The following RAPGEF5 variants were observed in gnomAD, a reference collection of about 807,000 sequenced individuals.
The protein encoded by RAPGEF5 is Rap guanine nucleotide exchange factor 5.
A neutral mutation model predicts 125.2 loss-of-function variants in RAPGEF5; 65 were observed. The ratio of observed to expected loss-of-function variants is 0.52; its 90% confidence interval spans 0.43 to 0.64. RAPGEF5 has a LOEUF of 0.64. Among genes scored for constraint, RAPGEF5 ranks in the 30% least tolerant of loss-of-function variants. The pLI is 0.00. For synonymous variants in RAPGEF5, 391 were observed against 385.9 expected (o/e 1.01, Z -0.16); for missense variants, 958 against 1,048.1 (o/e 0.91, Z 1.19).
chr7:22,268,386 A>C (rs1417152014), intron 6 of RAPGEF5, among the ~76,000 whole-genome samples: 5 of 152,242 alleles, frequency 3.3e-5, no homozygotes, highest in Non-Finnish European at 7.3e-5. Context: ...AGAAGTGATG[A>C]ATGACCACAA....
At chr7:22,231,043 G>A (rs1182366248) in intron 7 of RAPGEF5, 124 bp from the exon 8 acceptor site, 1 of 912,320 alleles carries the variant, frequency 1.1e-6, no homozygotes, top group Non-Finnish European at 1.7e-6. Flanking sequence ...GTAAACATTG[G>A]CATTATTTTT....
At chr7:22,284,353 C>T (rs1015832317) in intron 6 of RAPGEF5, among the ~76,000 whole-genome samples, 7 of 152,128 alleles carry the variant, frequency 4.6e-5, no homozygotes, top group Admixed American at 2.0e-4. Context: ...TGGATGAGGA[C>T]AGATTGAAAC....
chr7:22,163,066 A>G (rs926547085), intron 12 of RAPGEF5: 1 of 448,510 alleles, frequency 2.2e-6, no homozygotes, highest in Non-Finnish European at 4.5e-6. Context: ...AACTTACTTG[A>G]AAACATTGGA....
intron 17 of RAPGEF5, among the ~76,000 whole-genome samples, chr7:22,154,105 CTT>C (rs35254223): frequency 3.3e-5 from 5 of 149,326 alleles, no homozygotes; most frequent in African/African-American, 1.2e-4. Flanking sequence ...GCCATCTTTC[CTT>C]TTTTTTTTCC....
At chr7:22,187,401 T>TTAA (rs1784856972) in intron 11 of RAPGEF5, among the ~76,000 whole-genome samples, 2 of 152,340 alleles carry the variant, frequency 1.3e-5, no homozygotes, top group Admixed American at 1.3e-4. Context: ...AATCTCATTT[T>TTAA]AGTAACCTTT....
chr7:22,268,728 A>C (rs1212910267), intron 6 of RAPGEF5, among the ~76,000 whole-genome samples: 1 of 152,198 alleles, frequency 6.6e-6, no homozygotes, highest in Non-Finnish European at 1.5e-5. Flanking sequence ...CTCACAACGG[A>C]TCGAAACCAG....
intron 6 of RAPGEF5, among the ~76,000 whole-genome samples, chr7:22,274,976 T>G (rs1237045586): frequency 6.6e-6 from 1 of 152,176 alleles, no homozygotes; most frequent in African/African-American, 2.4e-5. Flanking sequence ...CTATCTCCAT[T>G]CCTCCTTCCA....
intron 20 of RAPGEF5, among the ~76,000 whole-genome samples, chr7:22,141,834 T>G (rs545930121): frequency 6.6e-6 from 1 of 152,154 alleles, no homozygotes; most frequent in African/African-American, 2.4e-5. Flanking sequence ...TTTTGCCAAC[T>G]TTCTCCTGGG....
chr7:22,132,007 A>C (rs1022573080), intron 23 of RAPGEF5, among the ~76,000 whole-genome samples: 1 of 152,252 alleles, frequency 6.6e-6, no homozygotes, highest in Admixed American at 6.5e-5. Flanking sequence ...AATTTAAAGC[A>C]TGTGCAAATA....
intron 5 of RAPGEF5, among the ~76,000 whole-genome samples, chr7:22,293,401 G>A (rs144699963): frequency 3.9e-5 from 6 of 152,144 alleles, no homozygotes; most frequent in South Asian, 2.1e-4. Context: ...TCCTCACTCC[G>A]GCCTTTGGGA....
chr7:22,197,333 C>A (rs148413655), intron 9 of RAPGEF5, among the ~76,000 whole-genome samples: 2 of 152,292 alleles, frequency 1.3e-5, no homozygotes, highest in African/African-American at 4.8e-5. Flanking sequence ...GTAGAGAGAA[C>A]CTTTCAGATG....
At chr7:22,160,443 T>C in intron 14 of RAPGEF5, 75 bp downstream of exon 14, 1 of 1,401,196 alleles carries the variant, frequency 7.1e-7, no homozygotes, top group Non-Finnish European at 9.7e-7. Context: ...CTTTTATGTA[T>C]AAGGCATTCC....
chr7:22,310,731 T>TA (rs1783450251), intron 3 of RAPGEF5, among the ~76,000 whole-genome samples: 1 of 152,210 alleles, frequency 6.6e-6, no homozygotes, highest in Non-Finnish European at 1.5e-5. Flanking sequence ...ATTTGATTGT[T>TA]AATCTTTTTA....
chr7:22,123,351 A>C (rs1782640888), intron 25 of RAPGEF5, among the ~76,000 whole-genome samples: 1 of 152,128 alleles, frequency 6.6e-6, no homozygotes, highest in African/African-American at 2.4e-5. Flanking sequence ...ACACACACAC[A>C]AGCAAACCAT....
At chr7:22,197,304 AAC>A (rs1340058391) in intron 9 of RAPGEF5, among the ~76,000 whole-genome samples, 2 of 152,170 alleles carry the variant, frequency 1.3e-5, no homozygotes, top group Non-Finnish European at 2.9e-5. Flanking sequence ...TCCCAAATCA[AAC>A]CTGTCTGAAA....
chr7:22,198,827 T>G (rs1038447661), intron 9 of RAPGEF5, among the ~76,000 whole-genome samples: 1 of 152,140 alleles, frequency 6.6e-6, no homozygotes, highest in Non-Finnish European at 1.5e-5. Flanking sequence ...GCTATGAAAA[T>G]TCCCATTTTA....
At chr7:22,128,158 A>G (rs1782806791) in intron 24 of RAPGEF5, among the ~76,000 whole-genome samples, 1 of 152,202 alleles carries the variant, frequency 6.6e-6, no homozygotes, top group Admixed American at 6.5e-5. Context: ...TCTGGTCTTC[A>G]TCTTTAGGCT....
chr7:22,182,589 T>G (rs1322468439), intron 11 of RAPGEF5, among the ~76,000 whole-genome samples: 1 of 152,186 alleles, frequency 6.6e-6, no homozygotes, highest in African/African-American at 2.4e-5. Flanking sequence ...ACACGAAACT[T>G]CCTGAGAAAA....
intron 5 of RAPGEF5, among the ~76,000 whole-genome samples, chr7:22,296,307 A>G (rs903405176): frequency 3.3e-5 from 5 of 152,144 alleles, no homozygotes; most frequent in African/African-American, 1.2e-4. Context: ...ACAGTTTTTT[A>G]CTCACAGTTC....
Sources: allele counts gnomAD v4.1 joint callset (sites outside exome capture counted in the v4.1 genomes callset), GRCh38; gene constraint gnomAD v4.1.1; transcripts MANE v1.5; gene names NCBI Gene and HGNC (gene_info 2026-07-23, HGNC 2026-07-21).